SPAG6: variants seen among roughly 807,000 people sequenced by gnomAD.
The protein encoded by SPAG6 is sperm associated antigen 6, also known as sperm-associated antigen 6.
Under a neutral mutation model 58.5 loss-of-function variants are expected in SPAG6, and 49 were observed. That is an observed-to-expected ratio of 0.84 (90% CI 0.67 to 1.06). The LOEUF (loss-of-function observed/expected upper bound fraction) is 1.06. SPAG6 is among the 50% of genes least tolerant of loss of function. The probability of loss-of-function intolerance (pLI) is 0.00; values close to 1 mark genes in which losing one functional copy is unlikely to be tolerated. For missense variants in SPAG6, 560 were observed against 611.3 expected, an observed-to-expected ratio of 0.92 and a Z score of 0.89; for synonymous variants, 233 against 225.6, an observed-to-expected ratio of 1.03 and a Z score of -0.29.
In SPAG6 at chr10:22,386,714, G is replaced by A. The variant is rs892095984; in HGVS notation, c.473-40G>A. 2.0e-6 allele frequency: 3 copies of A among 1,531,142 alleles called. No homozygotes were observed. In the African/African-American group the frequency reaches 4.1e-5, roughly 21 times the overall value. The allele number at this position is 1,531,142 out of a possible 1,614,324, so 94.8% of individuals were successfully genotyped here. Reference sequence around the variant, plus strand: ...TGAAAAATGGCTTGCACAAGGGTCAGTCACCCATACTCACTTAATTACTTT... The same window carrying A: ...TGAAAAATGGCTTGCACAAGGGTCAATCACCCATACTCACTTAATTACTTT... On this transcript the variant is annotated intron_variant, in intron 4 of 10. Coordinates refer to ENST00000376624, the MANE Select transcript of SPAG6 (RefSeq NM_012443.4).
intron 2 of SPAG6, among the ~76,000 whole-genome samples, chr10:22,348,093 C>T (rs1056514154): frequency 6.6e-6 from 1 of 152,106 alleles, no homozygotes; most frequent in Non-Finnish European, 1.5e-5. Flanking sequence ...CAGGTTCAAG[C>T]GATTCTCCTG....
Position 22,364,880 on chromosome 10 carries a change from T to G in SPAG6, c.149T>G (p.Leu50Arg). ...AGVMSLLRTL[L>R]LDVVPTIQQT... The stretch of plus-strand genomic sequence containing the variant: ...GTAATGTCTTTGCTGAGAACTCTTC[T>G]TCTGGACGTGGTCCCAACAATTCAA... Residue 50 changes from leucine (L) to arginine (R), a missense_variant, in exon 3 of 11, where the codon CTT becomes CGT. Coordinates refer to ENST00000376624, the MANE Select transcript of SPAG6 (RefSeq NM_012443.4). 6.2e-7 allele frequency: 1 copy of G among 1,611,586 alleles called. No homozygotes were observed. Among genetic ancestry groups the G allele is most frequent in the Non-Finnish European group, 8.5e-7 (1 of 1,179,122 alleles).
At chr10:22,407,470 C>G (rs1208025959) in intron 9 of SPAG6, among the ~76,000 whole-genome samples, 1 of 152,146 alleles carries the variant, frequency 6.6e-6, no homozygotes, top group Non-Finnish European at 1.5e-5. Context: ...TTGGCCCCCA[C>G]TCTCTTCTGG....
intron 9 of SPAG6, among the ~76,000 whole-genome samples, chr10:22,401,950 G>A (rs1006859514): frequency 6.6e-6 from 1 of 152,168 alleles, no homozygotes; most frequent in East Asian, 1.9e-4. Flanking sequence ...TATGCTCAGT[G>A]AATTTGACTT....
At chr10:22,384,184 G>A (rs1376410920) in intron 4 of SPAG6, among the ~76,000 whole-genome samples, 2 of 152,182 alleles carry the variant, frequency 1.3e-5, no homozygotes, top group African/African-American at 2.4e-5. Flanking sequence ...GTTGCAAGAT[G>A]GATGTAGGAG....
intron 2 of SPAG6, among the ~76,000 whole-genome samples, chr10:22,363,082 TTAG>T (rs1386387277): frequency 3.3e-4 from 50 of 152,326 alleles, no homozygotes; most frequent in African/African-American, 1.1e-3. Context: ...TTGGCAATTC[TTAG>T]TGGTGATGTT....
chr10:22,404,304 A>AT (rs1834493156), intron 9 of SPAG6, among the ~76,000 whole-genome samples: 2 of 67,022 alleles, frequency 3.0e-5, no homozygotes. Flanking sequence ...TCTTGAATTG[A>AT]TTTTTGTATA....
At chr10:22,390,146 C>A (rs1444411141) in intron 7 of SPAG6, among the ~76,000 whole-genome samples, 1 of 152,102 alleles carries the variant, frequency 6.6e-6, no homozygotes, top group East Asian at 1.9e-4. Context: ...CTTGATAATT[C>A]TTTGCTTTAC....
chr10:22,410,493 C>G (rs1834703532), intron 9 of SPAG6, among the ~76,000 whole-genome samples: 1 of 152,078 alleles, frequency 6.6e-6, no homozygotes, highest in African/African-American at 2.4e-5. Context: ...GGAGGTGACA[C>G]TTGAGCTAAG....
Position 22,415,062 on chromosome 10 carries a change from G to A in SPAG6, c.1461-1557G>A, listed in dbSNP as rs551016777. Among the ~76,000 whole-genome samples the A allele has an allele frequency of 9.9e-5, 15 of 152,096 alleles. No individual in the cohort carries two copies. In the East Asian group the frequency reaches 1.7e-3, roughly 18 times the overall value. On this transcript the variant is annotated intron_variant, in intron 10 of 10. Transcript: ENST00000376624. ...ATTACAGGTGTGGGCCACTGCACCC[G>A]GCCCATACCAGCCATTTTTCTAGTC...
rs1674316815 is a variant in SPAG6 at position 22,361,071 on chromosome 10, C to T, written c.122-3782C>T. The T allele has an allele frequency of 9.6e-6, 4 of 417,228 alleles. No individual in the cohort carries two copies. In the East Asian group the frequency reaches 1.1e-4, roughly 11 times the overall value. The allele number at this position is 417,228 out of a possible 1,614,324, so 25.8% of individuals were successfully genotyped here. A position where few individuals can be genotyped will look rare whatever the true frequency, so the allele number is the denominator to read the frequency against. ...CACATGGGGACTGATAATTATGAAG[C>T]ACTAAGAGGCAATTTAAGGACTAGA... On this transcript the variant is annotated intron_variant, in intron 2 of 10. Coordinates refer to ENST00000376624, the MANE Select transcript of SPAG6 (RefSeq NM_012443.4).
chr10:22,386,712 C>A, intron 4 of SPAG6, 42 bp from the exon 5 acceptor site: 1 of 1,507,138 alleles, frequency 6.6e-7, no homozygotes, highest in Non-Finnish European at 9.2e-7. Flanking sequence ...GCACAAGGGT[C>A]AGTCACCCAT....
At chr10:22,380,218 TG>T (rs1223528352) in intron 4 of SPAG6, among the ~76,000 whole-genome samples, 1 of 152,212 alleles carries the variant, frequency 6.6e-6, no homozygotes, top group Non-Finnish European at 1.5e-5. Flanking sequence ...ATGAAAAATT[TG>T]GTTGAATGGG....
intron 3 of SPAG6, among the ~76,000 whole-genome samples, chr10:22,367,178 A>G (rs549082114): frequency 7.5e-4 from 114 of 152,210 alleles, no homozygotes; most frequent in African/African-American, 2.5e-3. Context: ...AAATTTGACA[A>G]TTCTGCAGTA....
Position 22,386,735 on chromosome 10 carries a change from A to T in SPAG6, c.473-19A>T, listed in dbSNP as rs754081480. ...GTCAGTCACCCATACTCACTTAATTACTTTTCTTGGACCCACAGAACTGTC... is the reference window on the plus strand; with the variant it reads ...GTCAGTCACCCATACTCACTTAATTTCTTTTCTTGGACCCACAGAACTGTC... On this transcript the variant is annotated intron_variant, in intron 4 of 10. Transcript: ENST00000376624. 1 of 1,605,594 alleles carries T rather than the reference A, an allele frequency of 6.2e-7. No individual in the cohort carries two copies. The highest frequency in any genetic ancestry group is 8.5e-7 in the Non-Finnish European group (1 of 1,172,384).
At chr10:22,346,552 C>CT (rs924235507) in intron 2 of SPAG6, among the ~76,000 whole-genome samples, 22 of 137,298 alleles carry the variant, frequency 1.6e-4, no homozygotes, top group East Asian at 4.3e-4. Context: ...CTTTCTTCTT[C>CT]TTTTTTTTTG....
intron 3 of SPAG6, among the ~76,000 whole-genome samples, chr10:22,365,534 G>GT (rs898248227): frequency 1.3e-5 from 2 of 152,076 alleles, no homozygotes; most frequent in Non-Finnish European, 2.9e-5. Context: ...AAATTGCCCT[G>GT]TTTTTTTCCC....
chr10:22,346,434 T>TTCTTCTTCTTCTTCC (rs1836535297), intron 2 of SPAG6, among the ~76,000 whole-genome samples: 1 of 94,486 alleles, frequency 1.1e-5, no homozygotes, highest in Non-Finnish European at 2.1e-5. Flanking sequence ...AAAATGGTTC[T>TTCTTCTTCTTCTTCC]TCTTCTTCTT....
Position 22,401,193 on chromosome 10 carries a change from A to G in SPAG6, c.1230A>G (p.Lys410=). ...AAGCCATAAAGAATATCCTGCAAAA[A>G]TGTACCTACTTACCAGCCCTTGAAC... ...SKKAIKNILQ[K]CTYLPALEPF... The change falls in exon 9 of 11, where the codon AAA becomes AAG. Residue 410 remains lysine (K), a synonymous_variant. Transcript: ENST00000376624. The G allele has an allele frequency of 1.2e-6, 2 of 1,601,962 alleles. No individual in the cohort carries two copies. The highest frequency in any genetic ancestry group is 1.1e-5 in the South Asian group (1 of 90,778).
Sources: gnomAD v4.1 joint callset for allele counts (sites outside exome capture counted in the v4.1 genomes callset) on GRCh38, gnomAD v4.1.1 for gene constraint, MANE v1.5 for transcripts, NCBI Gene and HGNC (gene_info 2026-07-23, HGNC 2026-07-21) for gene names.